Variants in DMD observed in about 807,000 individuals in gnomAD.
The protein encoded by DMD is dystrophin.
In DMD, 63 loss-of-function variants were observed where a neutral mutation model predicts 330.1. The ratio of observed to expected loss-of-function variants is 0.19; its 90% CI spans 0.16 to 0.24. The LOEUF (loss-of-function observed/expected upper bound fraction) is 0.24. Ranked by LOEUF, DMD falls within the 10% of genes least tolerant of loss-of-function variation. The probability of loss-of-function intolerance (pLI) is 1.00; values close to 1 mark genes in which losing one functional copy is unlikely to be tolerated. For missense variants in DMD, 3,344 were observed against 2,684.1 expected (o/e 1.25, Z -5.43); for synonymous variants, 1,223 against 959.8 (o/e 1.27, Z -5.07).
chrX:32,118,376 G>A (rs2096620020), intron 44 of DMD, among the ~76,000 whole-genome samples: 1 of 111,335 alleles, frequency 9.0e-6, no homozygotes, highest in Non-Finnish European at 1.9e-5. Flanking sequence ...ACAGGGAATA[G>A]CAGCCTACAG....
chrX:32,521,674 A>G (rs773440412), intron 17 of DMD, among the ~76,000 whole-genome samples: 1 of 112,401 alleles, frequency 8.9e-6, no homozygotes, highest in African/African-American at 3.2e-5. Context: ...CTTAAACATT[A>G]TATGCCAAGG....
intron 63 of DMD, among the ~76,000 whole-genome samples, chrX:31,247,339 C>T (rs1009129635): frequency 2.7e-5 from 3 of 111,048 alleles, no homozygotes; most frequent in African/African-American, 9.8e-5. Context: ...TGGTGGCTCA[C>T]GGCTGTAATC....
intron 1 of DMD, among the ~76,000 whole-genome samples, chrX:33,078,783 G>C (rs778563501): frequency 2.1e-4 from 23 of 111,814 alleles, no homozygotes; most frequent in African/African-American, 6.8e-4. Flanking sequence ...GGTTACTTCC[G>C]TGGCACACAA....
At chrX:32,112,011 G>A (rs992856727) in intron 44 of DMD, among the ~76,000 whole-genome samples, 2 of 111,739 alleles carry the variant, frequency 1.8e-5, no homozygotes, top group South Asian at 3.7e-4. Flanking sequence ...TACCTCAAGG[G>A]CATGAATAAT....
chrX:33,052,648 A>G (rs947882207), intron 1 of DMD, among the ~76,000 whole-genome samples: 1 of 111,993 alleles, frequency 8.9e-6, no homozygotes, highest in Admixed American at 9.5e-5. Flanking sequence ...CAATAAAATT[A>G]TATATTTTGA....
At position 32,444,153 on chromosome X, in the gene DMD, G is replaced by C. The variant is rs769423402; in HGVS notation, c.3787-2839C>G. Among the ~76,000 whole-genome samples the C allele has an allele frequency of 3.1e-3, 348 of 110,659 alleles. 2 individuals carry two copies. Among genetic ancestry groups the C allele is most frequent in the African/African-American group, 0.011 (340 of 30,613 alleles). On this transcript the variant is annotated intron_variant, in intron 27 of 78. Coordinates refer to ENST00000357033, the MANE Select transcript of DMD (RefSeq NM_004006.3). ...GGGAAATGGGAAAGAATGAAGCAGTGTGCCATCCACCCTGTAAGGAAGAAG... is the reference window on the plus strand; with the variant it reads ...GGGAAATGGGAAAGAATGAAGCAGTCTGCCATCCACCCTGTAAGGAAGAAG...
intron 50 of DMD, among the ~76,000 whole-genome samples, chrX:31,780,888 G>C (rs1451704521): frequency 9.0e-6 from 1 of 111,436 alleles, no homozygotes; most frequent in African/African-American, 3.3e-5. Context: ...ACTCTACATA[G>C]GCAAGGCCGG....
intron 55 of DMD, among the ~76,000 whole-genome samples, chrX:31,543,786 C>G (rs1405997985): frequency 1.8e-5 from 2 of 110,762 alleles, no homozygotes; most frequent in Admixed American, 1.9e-4. Context: ...AGCAGGGCCT[C>G]AAGTGTTATC....
rs1312927632 is a variant in DMD, at chrX:32,684,050, C to A, written c.960+13820G>T. On this transcript the variant is annotated intron_variant, in intron 9 of 78. Transcript: ENST00000357033. ...ACACACACACACACACACACACACA[C>A]ACACAGTGTGTATACATAATGGATT... Among the ~76,000 whole-genome samples the A allele has an allele frequency of 1.9e-5, 2 of 106,374 alleles. 1 individual carries two copies. Among genetic ancestry groups the A allele is most frequent in the South Asian group, 8.0e-4 (2 of 2,493 alleles). 92.4% of individuals were successfully genotyped at this position (106,374 alleles called of 115,157 possible).
At chrX:32,293,186 C>A (rs901298025) in intron 42 of DMD, among the ~76,000 whole-genome samples, 1 of 112,297 alleles carries the variant, frequency 8.9e-6, no homozygotes, top group Non-Finnish European at 1.9e-5. Context: ...ATTTACTTAT[C>A]TGGAGGAATG....
chrX:31,522,958 G>A (rs1475441608), intron 55 of DMD, among the ~76,000 whole-genome samples: 1 of 111,395 alleles, frequency 9.0e-6, no homozygotes, highest in African/African-American at 3.3e-5. Flanking sequence ...TCATTCACAC[G>A]TGCCTGTGAG....
At chrX:32,268,423 C>T (rs917817630) in intron 43 of DMD, among the ~76,000 whole-genome samples, 2 of 111,820 alleles carry the variant, frequency 1.8e-5, no homozygotes, top group African/African-American at 6.5e-5. Flanking sequence ...GCTCCTGCAC[C>T]TTGTCTAAGA....
intron 11 of DMD, among the ~76,000 whole-genome samples, chrX:32,634,141 C>T (rs771153389): frequency 8.9e-5 from 10 of 111,854 alleles, no homozygotes; most frequent in Non-Finnish European, 1.1e-4. Flanking sequence ...ATGGCCACGA[C>T]GACTACTGAA....
intron 43 of DMD, among the ~76,000 whole-genome samples, chrX:32,274,978 A>T (rs1328038939): frequency 8.9e-6 from 1 of 111,749 alleles, no homozygotes; most frequent in Non-Finnish European, 1.9e-5. Flanking sequence ...AAATCACACA[A>T]TTCATTTTGG....
chrX:31,203,952 A>G lies in DMD; in HGVS notation c.9807+9T>C. On this transcript the variant is annotated intron_variant, in intron 67 of 78. Coordinates refer to ENST00000357033, the MANE Select transcript of DMD (RefSeq NM_004006.3). ...AATAAATATGTTACCTAGAAGGTGA[A>G]TAACTTACAAATTGGAAGCAGCTCC... 2 of 1,199,925 alleles carry G rather than the reference A, an allele frequency of 1.7e-6. No individual in the cohort carries two copies. Among genetic ancestry groups the G allele is most frequent in the South Asian group, 1.8e-5 (1 of 56,711 alleles).
chrX:31,633,137 C>A (rs754043775), intron 54 of DMD, among the ~76,000 whole-genome samples: 2 of 111,959 alleles, frequency 1.8e-5, no homozygotes, highest in Non-Finnish European at 3.8e-5. Flanking sequence ...ACTTCTGATG[C>A]TTGCTTTTCA....
At position 32,644,958 on chromosome X, in the gene DMD, G is replaced by A; in HGVS notation, c.1149+6C>T. ...TTTTGTTTTGTAAATTAACGTTTTA[G>A]TTTACCTCATGAGTATGAAACTGGT... On this transcript the variant is annotated splice_donor_region_variant and intron_variant, in intron 10 of 78. Transcript: ENST00000357033. 8.3e-7 allele frequency: 1 copy of A among 1,209,421 alleles called. No homozygotes were observed. Among genetic ancestry groups the A allele is most frequent in the Non-Finnish European group, 1.1e-6 (1 of 893,585 alleles).
chrX:33,120,787 A>T (rs2095418507), intron 1 of DMD, among the ~76,000 whole-genome samples: 1 of 101,952 alleles, frequency 9.8e-6, no homozygotes, highest in Non-Finnish European at 2.0e-5. Context: ...AGGCTGAGGC[A>T]GGAGAATCGC....
chrX:32,606,645 A>C (rs937248067), intron 12 of DMD, among the ~76,000 whole-genome samples: 10 of 108,870 alleles, frequency 9.2e-5, no homozygotes, highest in Non-Finnish European at 1.5e-4. Context: ...ATAGCAAAGA[A>C]TCAACCTAAG....
Sources: gnomAD v4.1 joint callset for allele counts (sites outside exome capture counted in the v4.1 genomes callset) on GRCh38, gnomAD v4.1.1 for gene constraint, MANE v1.5 for transcripts, NCBI Gene and HGNC (gene_info 2026-07-23, HGNC 2026-07-21) for gene names.